The following WAC variants were observed in gnomAD, a reference collection of about 807,000 sequenced individuals.
WAC encodes WW domain containing adaptor with coiled-coil.
A neutral mutation model predicts 79.6 loss-of-function variants in WAC; 11 were observed. The observed-to-expected ratio is 0.14, with a 90% CI of 0.09 to 0.23. WAC has a LOEUF of 0.23. Ranked by LOEUF, WAC falls within the 10% of genes least tolerant of loss-of-function variation. The pLI, the probability that WAC is intolerant of heterozygous loss-of-function variation, is 1.00. For synonymous variants in WAC, 304 were observed against 276.9 expected (o/e 1.10, Z -0.97); for missense variants, 728 against 773.5 (o/e 0.94, Z 0.70).
chr10:28,574,644 A>G (rs1485433713), intron 3 of WAC, among the ~76,000 whole-genome samples: 5 of 152,048 alleles, frequency 3.3e-5, no homozygotes, highest in Non-Finnish European at 5.9e-5. Context: ...GGGTTTCACC[A>G]TGTTGCCCAA....
At chr10:28,579,681 G>A (rs747746204) in intron 3 of WAC, among the ~76,000 whole-genome samples, 1 of 152,058 alleles carries the variant, frequency 6.6e-6, no homozygotes, top group Non-Finnish European at 1.5e-5. Context: ...TGGGAAGGAT[G>A]TGCACAATCA....
intron 3 of WAC, among the ~76,000 whole-genome samples, chr10:28,580,846 A>AC (rs1262737787): frequency 6.6e-6 from 1 of 152,130 alleles, no homozygotes; most frequent in Admixed American, 6.6e-5. Flanking sequence ...GGATCCTAAA[A>AC]CCATTTGTGA....
At chr10:28,591,372 A>C (rs570228981) in intron 6 of WAC, 1 of 152,652 alleles carries the variant, frequency 6.6e-6, no homozygotes, top group Non-Finnish European at 1.5e-5. Context: ...TAAAATGTCT[A>C]CTAGAAAACT....
At chr10:28,584,084 C>T (rs867679604) in intron 4 of WAC, among the ~76,000 whole-genome samples, 7 of 152,154 alleles carry the variant, frequency 4.6e-5, no homozygotes, top group Middle Eastern at 3.2e-3. Context: ...ATTCACCAGG[C>T]ATATGCTAAG....
At chr10:28,538,800 T>C (rs752830680) in intron 3 of WAC, among the ~76,000 whole-genome samples, 3 of 148,876 alleles carry the variant, frequency 2.0e-5, no homozygotes, top group Non-Finnish European at 4.4e-5. Flanking sequence ...GAGTTTGAGG[T>C]TAACAGTGAG....
At chr10:28,538,581 C>CAAA (rs34777121) in intron 3 of WAC, among the ~76,000 whole-genome samples, 11 of 98,250 alleles carry the variant, frequency 1.1e-4, no homozygotes, top group Admixed American at 2.2e-4. Context: ...GACCCTGTCT[C>CAAA]AAAAAAAAAA....
chr10:28,547,833 TTG>T (rs1300951796), intron 3 of WAC, among the ~76,000 whole-genome samples: 1 of 151,902 alleles, frequency 6.6e-6, no homozygotes, highest in African/African-American at 2.4e-5. Context: ...AAATCTCACT[TTG>T]TAAGTGTAGG....
intron 5 of WAC, among the ~76,000 whole-genome samples, chr10:28,590,400 C>T (rs975272409): frequency 6.6e-6 from 1 of 151,174 alleles, no homozygotes; most frequent in Non-Finnish European, 1.5e-5. Flanking sequence ...AATAAAATAC[C>T]TACATTTATG....
chr10:28,607,242 T>C (rs1231370078), intron 7 of WAC, among the ~76,000 whole-genome samples: 3 of 152,198 alleles, frequency 2.0e-5, no homozygotes, highest in South Asian at 2.1e-4. Flanking sequence ...TCTAAGAGTT[T>C]TAAAGACTTA....
At position 28,544,089 on chromosome 10, in the gene WAC, G is replaced by T. The variant is rs149721539; in HGVS notation, c.274+8332G>T. Among the ~76,000 whole-genome samples the T allele has an allele frequency of 7.6e-3, 1,164 of 152,276 alleles. 20 individuals are homozygous for T. Among genetic ancestry groups the T allele is most frequent in the African/African-American group, 0.027 (1,108 of 41,534 alleles). ...GTAGAGACAGGGTTTTGTCATGTTGGCCAGGCTGGTCTTGAACTCTTGGCC... is the reference window on the plus strand; with the variant it reads ...GTAGAGACAGGGTTTTGTCATGTTGTCCAGGCTGGTCTTGAACTCTTGGCC... On this transcript the variant is annotated intron_variant, in intron 3 of 13. Coordinates refer to ENST00000354911, the MANE Select transcript of WAC (RefSeq NM_016628.5).
intron 4 of WAC, among the ~76,000 whole-genome samples, chr10:28,585,754 C>T (rs1839789517): frequency 6.6e-6 from 1 of 152,030 alleles, no homozygotes; most frequent in Non-Finnish European, 1.5e-5. Context: ...ACTCCTAGGA[C>T]AGCAGCAGCC....
At position 28,539,572 on chromosome 10, in the gene WAC, G is replaced by T. The variant is rs562769708; in HGVS notation, c.274+3815G>T. 2.5e-4 allele frequency among the ~76,000 whole-genome samples: 37 copies of T among 149,524 alleles called. 1 individual carries two copies. Among genetic ancestry groups the T allele is most frequent in the Non-Finnish European group, 4.6e-4 (31 of 67,304 alleles). On this transcript the variant is annotated intron_variant, in intron 3 of 13. Coordinates refer to ENST00000354911, the MANE Select transcript of WAC (RefSeq NM_016628.5). The stretch of plus-strand genomic sequence containing the variant: ...TACAATCGTTAGGGTTTGTTTTTTG[G>T]TTTTTTTTTTTCTGGAGACAGAGTT...
At chr10:28,596,139 T>A in intron 7 of WAC, 98 bp downstream of exon 7, 1 of 1,293,166 alleles carries the variant, frequency 7.7e-7, no homozygotes, top group African/African-American at 1.5e-5. Flanking sequence ...CTCTGAATTA[T>A]AAATTTTTAA....
chr10:28,537,976 A>G (rs1202314267), intron 3 of WAC, among the ~76,000 whole-genome samples: 1 of 152,160 alleles, frequency 6.6e-6, no homozygotes, highest in African/African-American at 2.4e-5. Flanking sequence ...GGAGTCTTCC[A>G]GCTAATACTG....
intron 3 of WAC, among the ~76,000 whole-genome samples, chr10:28,582,691 A>C (rs1425112558): frequency 2.0e-5 from 3 of 152,214 alleles, no homozygotes; most frequent in Admixed American, 2.0e-4. Flanking sequence ...TCATTCATCA[A>C]AGTGTTTTTG....
intron 10 of WAC, among the ~76,000 whole-genome samples, chr10:28,613,689 T>G (rs2532744): frequency 0.36 from 54,605 of 152,090 alleles, 10,681 homozygotes; most frequent in East Asian, 0.54. Flanking sequence ...CCAGATTTGT[T>G]AGGGAGAATT....
At chr10:28,594,531 A>G (rs1840255298) in intron 6 of WAC, among the ~76,000 whole-genome samples, 1 of 152,178 alleles carries the variant, frequency 6.6e-6, no homozygotes, top group African/African-American at 2.4e-5. Flanking sequence ...GTAGTAAGTC[A>G]TTGTCAGAAG....
chr10:28,611,581 C>G, intron 9 of WAC, 193 bp from the exon 10 acceptor site: 1 of 1,255,620 alleles, frequency 8.0e-7, no homozygotes, highest in African/African-American at 1.5e-5. Flanking sequence ...CCTCTGAACA[C>G]ACAGCTCACT....
chr10:28,589,542 T>C (rs1460223222), intron 4 of WAC, 194 bp from the exon 5 acceptor site: 4 of 317,870 alleles, frequency 1.3e-5, no homozygotes, highest in Admixed American at 5.0e-5. Flanking sequence ...AATTTTGATA[T>C]TTTATAAAGT....
Sources: allele counts gnomAD v4.1 joint callset (sites outside exome capture counted in the v4.1 genomes callset), GRCh38; gene constraint gnomAD v4.1.1; transcripts MANE v1.5; gene names NCBI Gene and HGNC (gene_info 2026-07-23, HGNC 2026-07-21).